Variants in MAPK10 observed in about 807,000 individuals in gnomAD.
MAPK10 encodes mitogen-activated protein kinase 10.
In MAPK10, 25 loss-of-function variants were observed where a neutral mutation model predicts 59.3. The ratio of observed to expected loss-of-function variants is 0.42; its 90% CI spans 0.31 to 0.59. The LOEUF (loss-of-function observed/expected upper bound fraction) is 0.59, where lower values mean the gene tolerates loss of function less well. Ranked by LOEUF, MAPK10 falls within the 20% of genes least tolerant of loss-of-function variation. MAPK10 has a pLI of 0.15. For synonymous variants in MAPK10, 190 were observed against 200.5 expected, an observed-to-expected ratio of 0.95 and a Z score of 0.44; for missense variants, 351 against 568.9, an observed-to-expected ratio of 0.62 and a Z score of 3.90.
At chr4:86,223,219 C>T (rs1221095289) in intron 2 of MAPK10, among the ~76,000 whole-genome samples, 3 of 152,156 alleles carry the variant, frequency 2.0e-5, no homozygotes, top group South Asian at 4.1e-4. Flanking sequence ...ATGAGGCCCC[C>T]TTTTACAACA....
At chr4:86,249,873 G>A (rs1225281876) in intron 2 of MAPK10, among the ~76,000 whole-genome samples, 1 of 152,116 alleles carries the variant, frequency 6.6e-6, no homozygotes, top group East Asian at 1.9e-4. Context: ...ATTATACAAT[G>A]ATACCAAAAC....
intron 4 of MAPK10, among the ~76,000 whole-genome samples, chr4:86,113,803 A>G (rs1439034450): frequency 6.6e-6 from 1 of 152,144 alleles, no homozygotes; most frequent in Non-Finnish European, 1.5e-5. Context: ...ATTTTGAAGT[A>G]TGTTTTCCAA....
intron 2 of MAPK10, among the ~76,000 whole-genome samples, chr4:86,221,105 G>GGACA (rs1370067741): frequency 1.3e-5 from 2 of 152,130 alleles, no homozygotes; most frequent in Non-Finnish European, 2.9e-5. Flanking sequence ...CATCAGTCAG[G>GGACA]GACAGACAGA....
At position 86,180,652 on chromosome 4, in the gene MAPK10, G is replaced by C. The variant is rs560466884; in HGVS notation, c.66+13684C>G. ...GCAAATTAGGTATATACACTCAATG[G>C]AATACTACTGAGCCATAAAAGAGAA... On this transcript the variant is annotated intron_variant, in intron 3 of 13. Transcript: ENST00000641462. Among the ~76,000 whole-genome samples, 25 of 152,018 alleles carry C rather than the reference G, an allele frequency of 1.6e-4. No homozygotes were observed. In the East Asian group the frequency reaches 4.4e-3, roughly 27 times the overall value.
intron 1 of MAPK10, among the ~76,000 whole-genome samples, chr4:86,449,690 G>T (rs797022035): frequency 1.4e-4 from 22 of 152,306 alleles, no homozygotes; most frequent in African/African-American, 5.1e-4. Context: ...ATAGAATGTG[G>T]CAAACATAGT....
chr4:86,304,369 G>C (rs1322776897), intron 2 of MAPK10, among the ~76,000 whole-genome samples: 1 of 150,564 alleles, frequency 6.6e-6, no homozygotes, highest in Non-Finnish European at 1.5e-5. Context: ...TACCATTGTG[G>C]CTTGTTTTGG....
intron 2 of MAPK10, chr4:86,268,213 C>T (rs1049867638): frequency 7.2e-5 from 11 of 152,132 alleles, no homozygotes; most frequent in African/African-American, 2.7e-4. Flanking sequence ...ACATGTGATC[C>T]TTGGTTCCTG....
chr4:86,543,343 C>T (rs1234621441), intron 1 of MAPK10, among the ~76,000 whole-genome samples: 3 of 152,198 alleles, frequency 2.0e-5, no homozygotes, highest in Non-Finnish European at 4.4e-5. Flanking sequence ...TGTCTTGCAG[C>T]TTCCTCTGGG....
chr4:86,459,839 A>C (rs564145732), intron 1 of MAPK10, among the ~76,000 whole-genome samples: 8 of 152,294 alleles, frequency 5.3e-5, no homozygotes, highest in African/African-American at 1.2e-4. Flanking sequence ...TGATGGGTGC[A>C]CCAAAATCTC....
chr4:86,132,270 T>C (rs1378819609), intron 4 of MAPK10, among the ~76,000 whole-genome samples: 5 of 152,196 alleles, frequency 3.3e-5, no homozygotes, highest in Non-Finnish European at 7.3e-5. Context: ...GTTAAAATAT[T>C]GAGTAGTAGA....
chr4:86,165,492 C>T (rs552609887), intron 3 of MAPK10, among the ~76,000 whole-genome samples: 179 of 151,532 alleles, frequency 1.2e-3, no homozygotes, highest in Middle Eastern at 3.4e-3. Flanking sequence ...ATCTCCCCAC[C>T]TCAGCCTTCT....
At chr4:86,547,644 G>A (rs1278438238) in intron 1 of MAPK10, among the ~76,000 whole-genome samples, 1 of 152,194 alleles carries the variant, frequency 6.6e-6, no homozygotes, top group Non-Finnish European at 1.5e-5. Flanking sequence ...AATGCCGGCG[G>A]CAGGCAGGGA....
intron 1 of MAPK10, among the ~76,000 whole-genome samples, chr4:86,476,748 T>C (rs1006779050): frequency 6.6e-6 from 1 of 152,170 alleles, no homozygotes; most frequent in African/African-American, 2.4e-5. Flanking sequence ...TTGCAATTCC[T>C]TGCCTCCACT....
chr4:86,367,839 G>C (rs975048845), intron 1 of MAPK10, among the ~76,000 whole-genome samples: 1 of 151,956 alleles, frequency 6.6e-6, no homozygotes, highest in African/African-American at 2.4e-5. Flanking sequence ...CCAAACATCA[G>C]TCATCATTGG....
intron 11 of MAPK10, among the ~76,000 whole-genome samples, chr4:86,056,500 T>C (rs1260320191): frequency 6.7e-6 from 1 of 150,074 alleles, no homozygotes; most frequent in Non-Finnish European, 1.5e-5. Flanking sequence ...TCAAGAGAAT[T>C]CAGTAAAAGA....
At chr4:86,393,514 C>A (rs1026256792) in intron 1 of MAPK10, among the ~76,000 whole-genome samples, 1 of 152,126 alleles carries the variant, frequency 6.6e-6, no homozygotes, top group African/African-American at 2.4e-5. Flanking sequence ...TCTAATGGAA[C>A]CATTACCAGG....
At chr4:86,414,119 C>T (rs1415180184) in intron 1 of MAPK10, among the ~76,000 whole-genome samples, 1 of 152,058 alleles carries the variant, frequency 6.6e-6, no homozygotes, top group African/African-American at 2.4e-5. Context: ...CCCCTAAAAA[C>T]AGTATTTATG....
chr4:86,451,300 T>C (rs992063419), intron 1 of MAPK10, among the ~76,000 whole-genome samples: 3 of 152,166 alleles, frequency 2.0e-5, no homozygotes, highest in Non-Finnish European at 4.4e-5. Context: ...ACGAACAGCC[T>C]TATATTAGCA....
chr4:86,334,417 G>C (rs1219467891), intron 2 of MAPK10, among the ~76,000 whole-genome samples: 1 of 152,124 alleles, frequency 6.6e-6, no homozygotes, highest in Non-Finnish European at 1.5e-5. Context: ...AGCAAAGAGA[G>C]CACTCTTCAA....
Sources: gnomAD v4.1 joint callset for allele counts (sites outside exome capture counted in the v4.1 genomes callset) on GRCh38, gnomAD v4.1.1 for gene constraint, MANE v1.5 for transcripts, NCBI Gene and HGNC (gene_info 2026-07-23, HGNC 2026-07-21) for gene names.